Variants in DCAF17 observed in about 807,000 individuals in gnomAD.
DCAF17 encodes DDB1 and CUL4 associated factor 17, also known as DDB1- and CUL4-associated factor 17.
Under a neutral mutation model 66.0 loss-of-function variants are expected in DCAF17, and 48 were observed. That is an observed-to-expected ratio of 0.73 (90% confidence interval 0.58 to 0.92). The LOEUF (loss-of-function observed/expected upper bound fraction) is 0.92, where lower values mean the gene tolerates loss of function less well. Among genes scored for constraint, DCAF17 ranks in the 40% least tolerant of loss-of-function variants. The pLI, the probability that DCAF17 is intolerant of heterozygous loss-of-function variation, is 0.00. For synonymous variants in DCAF17, 206 were observed against 214.6 expected (o/e 0.96, Z 0.35); for missense variants, 562 against 622.8 (o/e 0.90, Z 1.04).
Position 171,446,371 on chromosome 2 carries a change from C to G in DCAF17, c.322-2310C>G, listed in dbSNP as rs563067231. Among the ~76,000 whole-genome samples the G allele has an allele frequency of 6.6e-5, 10 of 152,124 alleles. No individual in the cohort carries two copies. The South Asian group carries it at 2.1e-3, about 32-fold the overall frequency. On this transcript the variant is annotated intron_variant, in intron 3 of 13. Coordinates refer to ENST00000375255, the MANE Select transcript of DCAF17 (RefSeq NM_025000.4). The stretch of plus-strand genomic sequence containing the variant: ...GACCAGCCTGACCAACATAGTGAAA[C>G]CCCGTCTCTACTAAAAATACAAAAA...
chr2:171,471,275 A>G (rs1289578139), intron 9 of DCAF17, among the ~76,000 whole-genome samples: 3 of 152,320 alleles, frequency 2.0e-5, no homozygotes, highest in Admixed American at 1.3e-4. Flanking sequence ...AGAAGAGTAG[A>G]TAACTAAAAA....
At chr2:171,448,610 T>A in intron 3 of DCAF17, 71 bp from the exon 4 acceptor site, 1 of 1,377,660 alleles carries the variant, frequency 7.3e-7, no homozygotes, top group African/African-American at 1.5e-5. Flanking sequence ...GCTATTTTCT[T>A]TGGACATTGA....
rs536596866 is a variant in DCAF17 at position 171,483,443 on chromosome 2, C to G, written c.*2329C>G. ...TGCATTCTGCATTGCACTCCTGGAT[C>G]TAAGTTTCTGCATTCTCAGAGCATC... On this transcript the variant is annotated 3_prime_UTR_variant, in exon 14 of 14. Coordinates refer to ENST00000375255, the MANE Select transcript of DCAF17 (RefSeq NM_025000.4). The G allele has an allele frequency of 2.3e-4, 105 of 454,118 alleles. No individual in the cohort carries two copies. The highest frequency in any genetic ancestry group is 1.8e-3 in the African/African-American group (91 of 50,144). 28.1% of individuals were successfully genotyped at this position (454,118 alleles called of 1,614,324 possible).
chr2:171,461,176 G>GC (rs1233053483), intron 8 of DCAF17, among the ~76,000 whole-genome samples: 9 of 152,156 alleles, frequency 5.9e-5, no homozygotes, highest in African/African-American at 2.2e-4. Flanking sequence ...CAGGCGTGGT[G>GC]CCTCATGCCT....
intron 6 of DCAF17, among the ~76,000 whole-genome samples, chr2:171,456,197 TAAGG>T (rs1045004464): frequency 2.6e-5 from 4 of 152,230 alleles, no homozygotes; most frequent in Non-Finnish European, 5.9e-5. Flanking sequence ...GCGTATGGTG[TAAGG>T]AAGGGGTCGA....
chr2:171,457,707 T>C (rs1306634345), intron 6 of DCAF17, among the ~76,000 whole-genome samples: 1 of 152,206 alleles, frequency 6.6e-6, no homozygotes, highest in Non-Finnish European at 1.5e-5. Context: ...GACAATGCTA[T>C]GAAGCAGATG....
rs1363814967 is a variant in DCAF17, at chr2:171,481,221, A to G, written c.*107A>G. ...GGCACATTCTCCAGTATTTTCCAAA[A>G]AAGTCTTGTGTTGACTTCAGATGAC... On this transcript the variant is annotated 3_prime_UTR_variant, in exon 14 of 14. Transcript: ENST00000375255. The G allele has an allele frequency of 6.8e-7, 1 of 1,463,394 alleles. No homozygotes were observed. The highest frequency in any genetic ancestry group is 9.5e-7 in the Non-Finnish European group (1 of 1,049,238). The allele number at this position is 1,463,394 out of a possible 1,614,324, so 90.7% of individuals were successfully genotyped here. A position where few individuals can be genotyped will look rare whatever the true frequency, so the allele number is the denominator to read the frequency against.
At chr2:171,444,915 T>C (rs1694528556) in intron 3 of DCAF17, among the ~76,000 whole-genome samples, 1 of 152,228 alleles carries the variant, frequency 6.6e-6, no homozygotes, top group Non-Finnish European at 1.5e-5. Flanking sequence ...CACTGAAGGC[T>C]CCTATTTAAA....
intron 3 of DCAF17, among the ~76,000 whole-genome samples, chr2:171,444,426 A>G (rs1336450068): frequency 6.6e-6 from 1 of 152,202 alleles, no homozygotes; most frequent in East Asian, 1.9e-4. Flanking sequence ...ACCTGCCCTC[A>G]TGTGACAGGC....
intron 11 of DCAF17, among the ~76,000 whole-genome samples, chr2:171,477,324 A>G (rs1696544452): frequency 6.6e-6 from 1 of 152,240 alleles, no homozygotes; most frequent in Non-Finnish European, 1.5e-5. Flanking sequence ...CTTTTAGTGT[A>G]TAAATTAAGA....
intron 8 of DCAF17, among the ~76,000 whole-genome samples, chr2:171,467,918 C>G (rs1696016865): frequency 6.6e-6 from 1 of 151,992 alleles, no homozygotes; most frequent in South Asian, 2.1e-4. Flanking sequence ...ACATGTGACT[C>G]TTACACGAAT....
chr2:171,440,570 T>A (rs915441678), intron 2 of DCAF17, among the ~76,000 whole-genome samples: 1 of 152,192 alleles, frequency 6.6e-6, no homozygotes, highest in African/African-American at 2.4e-5. Context: ...CGAGACAGTG[T>A]CTCAAAAAAT....
At position 171,448,700 on chromosome 2, in the gene DCAF17, C is replaced by T. The variant is rs760978794; in HGVS notation, c.341C>T (p.Ser114Leu). ...ECPVGDILPN[S>L]SDYKSSLIAL... is the part of the protein sequence containing the mutation. Reference sequence around the variant, plus strand: ...TTTTAGGGAGATATACTTCCCAATTCATCAGATTATAAGTCCTCACTCATA... The same window carrying T: ...TTTTAGGGAGATATACTTCCCAATTTATCAGATTATAAGTCCTCACTCATA... The change falls in exon 4 of 14, where the codon TCA becomes TTA. Residue 114 changes from serine (S) to leucine (L), a missense_variant. Ser to Leu is a moderately radical substitution (Grantham distance 145). Around this residue, in one of 3 missense-constraint regions of DCAF17, gnomAD observed 348 missense variants for 355.9 expected, o/e 0.98. Coordinates refer to ENST00000375255, the MANE Select transcript of DCAF17 (RefSeq NM_025000.4). The T allele has an allele frequency of 6.3e-7, 1 of 1,591,996 alleles. No individual in the cohort carries two copies. The highest frequency in any genetic ancestry group is 1.7e-5 in the Admixed American group (1 of 57,342).
chr2:171,451,181 C>G (rs1221253317), intron 5 of DCAF17, among the ~76,000 whole-genome samples: 1 of 152,036 alleles, frequency 6.6e-6, no homozygotes, highest in Non-Finnish European at 1.5e-5. Context: ...TCCCTCATCT[C>G]TCTTGTCTAC....
At chr2:171,451,222 C>G (rs937284684) in intron 5 of DCAF17, among the ~76,000 whole-genome samples, 1 of 152,038 alleles carries the variant, frequency 6.6e-6, no homozygotes, top group South Asian at 2.1e-4. Context: ...GCCAAGCAAA[C>G]TATTTGTTGG....
In DCAF17 at chr2:171,449,936, A is replaced by C; in HGVS notation, c.516A>C (p.Arg172Ser). Residue 172 changes from arginine to serine, a missense_variant, in exon 5 of 14, where the codon AGA becomes AGC. Physicochemically the swap from Arg to Ser is moderately radical, Grantham distance 110. Coordinates refer to ENST00000375255, the MANE Select transcript of DCAF17 (RefSeq NM_025000.4). ...TTGCAGTTAAGTCAGCTCAGAACAG[A>C]GGCTCAGCAGTGGCCCGGCAGGTAT... Reference protein sequence around the residue: ...EVIAVKSAQNRGSAVARQAGI... With the variant: ...EVIAVKSAQNSGSAVARQAGI... 1 of 1,613,788 alleles carries C rather than the reference A, an allele frequency of 6.2e-7. No individual in the cohort carries two copies. The highest frequency in any genetic ancestry group is 8.5e-7 in the Non-Finnish European group (1 of 1,179,724).
chr2:171,443,274 G>A lies in DCAF17; in HGVS notation c.231-249G>A. 1.1e-5 allele frequency: 4 copies of A among 364,948 alleles called. No homozygotes were observed. The South Asian group carries it at 1.3e-4, about 12-fold the overall frequency. 22.6% of individuals were successfully genotyped at this position (364,948 alleles called of 1,614,324 possible). On this transcript the variant is annotated intron_variant, in intron 2 of 13. Coordinates refer to ENST00000375255, the MANE Select transcript of DCAF17 (RefSeq NM_025000.4). The stretch of plus-strand genomic sequence containing the variant: ...CAGGTACGTATATGTATATAAACCA[G>A]AAGGAAATGAACCAAAATGTTAATA...
At chr2:171,459,233 A>C (rs1337833879) in intron 8 of DCAF17, among the ~76,000 whole-genome samples, 2 of 152,098 alleles carry the variant, frequency 1.3e-5, no homozygotes, top group Non-Finnish European at 2.9e-5. Context: ...AATAACTTAG[A>C]CCTAGGAGGC....
In DCAF17 at chr2:171,445,297, G is replaced by A. The variant is rs184425948; in HGVS notation, c.321+1684G>A. On this transcript the variant is annotated intron_variant, in intron 3 of 13. Coordinates refer to ENST00000375255, the MANE Select transcript of DCAF17 (RefSeq NM_025000.4). ...CCAGCACCATGCCCCACTAATTTTT[G>A]TATTTTTAGTAGACACGGGGTTTCA... 2.0e-3 allele frequency among the ~76,000 whole-genome samples: 306 copies of A among 152,078 alleles called. 1 individual carries two copies. Among genetic ancestry groups the A allele is most frequent in the East Asian group, 6.0e-3 (31 of 5,172 alleles).
Sources: gnomAD v4.1 joint callset for allele counts (sites outside exome capture counted in the v4.1 genomes callset) on GRCh38, gnomAD v4.1.1 for gene constraint, gnomAD v4.1.1 regional missense constraint, MANE v1.5 for transcripts, NCBI Gene and HGNC (gene_info 2026-07-23, HGNC 2026-07-21) for gene names.